The following PCDHGA6 variants were observed in gnomAD, a reference collection of about 807,000 sequenced individuals.
The protein encoded by PCDHGA6 is protocadherin gamma subfamily A, 6, also known as protocadherin gamma-A6.
PCDHGA6 carries 41 observed loss-of-function variants against 60.6 expected under a neutral mutation model. That is an observed-to-expected ratio of 0.68 (90% CI 0.53 to 0.88). The LOEUF is 0.88. PCDHGA6 is among the 40% of genes least tolerant of loss of function. The pLI is 0.00. For synonymous variants in PCDHGA6, 594 were observed against 524.4 expected (o/e 1.13, Z -1.81); for missense variants, 1,312 against 1,203.0 (o/e 1.09, Z -1.34).
chr5:141,404,298 C>A, intron 1 of PCDHGA6: 3 of 1,613,868 alleles, frequency 1.9e-6, no homozygotes, highest in Non-Finnish European at 2.5e-6. Flanking sequence ...AATGATAATC[C>A]ACCTGCTTTC....
At chr5:141,404,476 C>G (rs1453332441) in intron 1 of PCDHGA6, 3 of 1,613,362 alleles carry the variant, frequency 1.9e-6, no homozygotes, top group Non-Finnish European at 2.5e-6. Context: ...TCTCTATTAA[C>G]TCAGACACTG....
intron 1 of PCDHGA6, chr5:141,421,255 C>A (rs759899934): frequency 1.9e-6 from 3 of 1,607,644 alleles, no homozygotes; most frequent in Non-Finnish European, 2.5e-6. Context: ...GCGCGGGGAC[C>A]GCAGTCGGCT....
chr5:141,501,544 G>T (rs1297191346), intron 2 of PCDHGA6, among the ~76,000 whole-genome samples: 3 of 151,962 alleles, frequency 2.0e-5, no homozygotes, highest in African/African-American at 7.3e-5. Flanking sequence ...TTGTGCATAA[G>T]ATCATAGGCC....
chr5:141,389,695 A>G, intron 1 of PCDHGA6: 1 of 1,612,564 alleles, frequency 6.2e-7, no homozygotes, highest in Non-Finnish European at 8.5e-7. Context: ...TGGCTGTCCT[A>G]CCACGTGCTG....
intron 1 of PCDHGA6, among the ~76,000 whole-genome samples, chr5:141,463,632 T>C (rs2099065676): frequency 6.6e-6 from 1 of 151,822 alleles, no homozygotes; most frequent in Admixed American, 6.6e-5. Flanking sequence ...GTATTTTGTT[T>C]AGTAGAGACG....
Position 141,432,226 on chromosome 5 carries a change from T to C in PCDHGA6, c.2424+55719T>C. On this transcript the variant is annotated intron_variant, in intron 1 of 3. Coordinates refer to ENST00000517434, the MANE Select transcript of PCDHGA6 (RefSeq NM_018919.3). The surrounding 1 kb of genome is among the most constrained non-coding windows in gnomAD (Gnocchi z 6.0). ...GTGAAGAGAACGCCCAGATCACTTATTCCCTGGCTGAGAACACCATCCAAG... is the reference window on the plus strand; with the variant it reads ...GTGAAGAGAACGCCCAGATCACTTACTCCCTGGCTGAGAACACCATCCAAG... 4 of 1,614,198 alleles carry C rather than the reference T, an allele frequency of 2.5e-6. No individual in the cohort carries two copies. The highest frequency in any genetic ancestry group is 3.4e-6 in the Non-Finnish European group (4 of 1,180,028).
At chr5:141,470,037 G>C (rs76537989) in intron 1 of PCDHGA6, among the ~76,000 whole-genome samples, 14 of 152,138 alleles carry the variant, frequency 9.2e-5, no homozygotes, top group Non-Finnish European at 1.5e-4. Flanking sequence ...GCTGAGGCGC[G>C]AGAACTGTTT....
At chr5:141,394,060 C>T (rs1437765710) in intron 1 of PCDHGA6, 1 of 1,613,662 alleles carries the variant, frequency 6.2e-7, no homozygotes, top group Non-Finnish European at 8.5e-7. Context: ...GAAAATGTCT[C>T]TATCTACAAT....
Position 141,491,574 on chromosome 5 carries a change from T to G in PCDHGA6, c.2425-3233T>G. Reference sequence around the variant, plus strand: ...AGAGCCACTGCTACAGGACGTGCTTTTCACCGGCCTCGGACGGCAGTGACT... The same window carrying G: ...AGAGCCACTGCTACAGGACGTGCTTGTCACCGGCCTCGGACGGCAGTGACT... On this transcript the variant is annotated intron_variant, in intron 1 of 3. Transcript: ENST00000517434. This position sits in a 1 kb window ranked among gnomAD's most constrained non-coding sequence, Gnocchi z 6.9. The G allele has an allele frequency of 6.2e-7, 1 of 1,613,956 alleles. No homozygotes were observed. Among genetic ancestry groups the G allele is most frequent in the Non-Finnish European group, 8.5e-7 (1 of 1,180,032 alleles).
Position 141,431,354 on chromosome 5 carries a change from G to GCC in PCDHGA6, c.2424+54849_2424+54850dup. The GCC allele has an allele frequency of 6.2e-7, 1 of 1,614,036 alleles. No individual in the cohort carries two copies. Among genetic ancestry groups the GCC allele is most frequent in the African/African-American group, 1.3e-5 (1 of 75,052 alleles). On this transcript the variant is annotated intron_variant, in intron 1 of 3. Transcript: ENST00000517434. This position sits in a 1 kb window ranked among gnomAD's most constrained non-coding sequence, Gnocchi z 4.8. Reference sequence around the variant, plus strand: ...GTACCCCGAATTGGTGCTGAAACGCGCCCTGGACCGCGAAGAAAAGGCTGC... The same window carrying GCC: ...GTACCCCGAATTGGTGCTGAAACGCGCCCCCTGGACCGCGAAGAAAAGGCTGC...
At chr5:141,498,372 C>A (rs1008996197) in intron 2 of PCDHGA6, among the ~76,000 whole-genome samples, 3 of 151,730 alleles carry the variant, frequency 2.0e-5, no homozygotes, top group Admixed American at 1.3e-4. Flanking sequence ...GTGGTGAGGC[C>A]TCCTGGGATC....
chr5:141,487,423 C>T lies in PCDHGA6; in HGVS notation c.2425-7384C>T. 1 of 1,614,158 alleles carries T rather than the reference C, an allele frequency of 6.2e-7. No homozygotes were observed. Among genetic ancestry groups the T allele is most frequent in the Non-Finnish European group, 8.5e-7 (1 of 1,180,012 alleles). On this transcript the variant is annotated intron_variant, in intron 1 of 3. Transcript: ENST00000517434. The surrounding 1 kb of genome is among the most constrained non-coding windows in gnomAD (Gnocchi z 5.0). ...GGCTTCCCCCTTCCAATGGGATCCTCCGAATCCAGCTAGGGTCAGATGACC... is the reference window on the plus strand; with the variant it reads ...GGCTTCCCCCTTCCAATGGGATCCTTCGAATCCAGCTAGGGTCAGATGACC...
At chr5:141,399,652 G>A in intron 1 of PCDHGA6, 1 of 1,613,758 alleles carries the variant, frequency 6.2e-7, no homozygotes, top group Non-Finnish European at 8.5e-7. Flanking sequence ...GCAAAGTGGG[G>A]TGGTGTTCGC....
intron 1 of PCDHGA6, chr5:141,427,254 G>A (rs1013561568): frequency 1.8e-5 from 8 of 456,644 alleles, no homozygotes; most frequent in Non-Finnish European, 2.6e-5. Flanking sequence ...GGATGGTGGA[G>A]GCATGACCAG....
At chr5:141,386,621 G>T (rs780529864) in intron 1 of PCDHGA6, among the ~76,000 whole-genome samples, 1 of 151,474 alleles carries the variant, frequency 6.6e-6, no homozygotes, top group Non-Finnish European at 1.5e-5. Flanking sequence ...ATGGAGTCTC[G>T]CTCTGTCACC....
intron 1 of PCDHGA6, among the ~76,000 whole-genome samples, chr5:141,473,946 G>A (rs1399816546): frequency 6.6e-6 from 1 of 152,170 alleles, no homozygotes; most frequent in African/African-American, 2.4e-5. Context: ...GCTCAGGCCT[G>A]TAGTCCCATC....
rs776825429 is a variant in PCDHGA6 at position 141,375,161 on chromosome 5, G to C, written c.1078G>C (p.Ala360Pro). The change falls in exon 1 of 4, where the codon GCA (alanine) becomes CCA (proline). Residue 360 changes from alanine to proline, a missense_variant. Transcript: ENST00000517434. ...TGGAAGCAGAACAATTGCTGAAAGT[G>C]CACCTCCAGGAACAGTAATCGCCCT... ...TSGSRTIAESAPPGTVIALFQ... is the reference protein window; with the variant it reads ...TSGSRTIAESPPPGTVIALFQ... 2.5e-6 allele frequency: 4 copies of C among 1,613,940 alleles called. No individual in the cohort carries two copies. In the Admixed American group the frequency reaches 6.7e-5, roughly 27 times the overall value.
chr5:141,384,754 G>A, intron 1 of PCDHGA6: 1 of 1,614,042 alleles, frequency 6.2e-7, no homozygotes, highest in Non-Finnish European at 8.5e-7. Flanking sequence ...ACTCTTTGCG[G>A]TTGGGCTGTA....
chr5:141,474,321 A>G (rs75620387), intron 1 of PCDHGA6, among the ~76,000 whole-genome samples: 2,046 of 152,326 alleles, frequency 0.013, 15 homozygotes, highest in Middle Eastern at 0.034. Context: ...GTGTTTTCAA[A>G]TCACCCTGAT....
Sources: allele counts gnomAD v4.1 joint callset (sites outside exome capture counted in the v4.1 genomes callset), GRCh38; gene constraint gnomAD v4.1.1; non-coding constraint Gnocchi (gnomAD v3.1); transcripts MANE v1.5; gene names NCBI Gene and HGNC (gene_info 2026-07-23, HGNC 2026-07-21).